The following GART variants were observed in gnomAD, a reference collection of about 807,000 sequenced individuals.
The protein encoded by GART is phosphoribosylglycinamide formyltransferase, phosphoribosylglycinamide synthetase, phosphoribosylaminoimidazole synthetase, also known as trifunctional purine biosynthetic protein adenosine-3.
A neutral mutation model predicts 107.2 loss-of-function variants in GART; 43 were observed. That is an observed-to-expected ratio of 0.40 (90% CI 0.31 to 0.52). GART has a LOEUF of 0.52. Among genes scored for constraint, GART ranks in the 20% least tolerant of loss-of-function variants. The probability of loss-of-function intolerance (pLI) is 0.52; values close to 1 mark genes in which losing one functional copy is unlikely to be tolerated. For missense variants in GART, 1,107 were observed against 1,206.5 expected (o/e 0.92, Z 1.22); for synonymous variants, 434 against 427.0 (o/e 1.02, Z -0.20).
At chr21:33,534,351 T>C (rs2085261024) in intron 4 of GART, among the ~76,000 whole-genome samples, 1 of 151,956 alleles carries the variant, frequency 6.6e-6, no homozygotes, top group African/African-American at 2.4e-5. Context: ...GAGCTGGGAC[T>C]ACAGGTGCAC....
At chr21:33,542,776 G>A, upstream of GART, 1 of 425,112 alleles carries the variant, frequency 2.4e-6, no homozygotes, top group Non-Finnish European at 4.3e-6. Flanking sequence ...ACACTGCTGG[G>A]GACTGACAAC....
At chr21:33,507,979 A>T (rs941286083) in intron 18 of GART, among the ~76,000 whole-genome samples, 2 of 152,332 alleles carry the variant, frequency 1.3e-5, no homozygotes, top group Non-Finnish European at 1.5e-5. Context: ...AAAAGATCTC[A>T]TGTACCCTAT....
chr21:33,510,413 T>A (rs1347185314), intron 17 of GART: 2 of 153,290 alleles, frequency 1.3e-5, no homozygotes, highest in African/African-American at 4.8e-5. Context: ...CACTGCAAGT[T>A]CCGCCTCCTA....
intron 4 of GART, among the ~76,000 whole-genome samples, 174 bp from the exon 5 acceptor site, chr21:33,532,630 C>T (rs936699887): frequency 2.0e-5 from 3 of 152,206 alleles, no homozygotes; most frequent in Non-Finnish European, 2.9e-5. Flanking sequence ...TTTTCCCCTA[C>T]GTATTCCTTT....
At chr21:33,536,674 G>A (rs1322436923) in intron 2 of GART, among the ~76,000 whole-genome samples, 1 of 152,134 alleles carries the variant, frequency 6.6e-6, no homozygotes, top group East Asian at 1.9e-4. Flanking sequence ...GCCAGCATCA[G>A]CTTTGGGGCC....
intron 2 of GART, among the ~76,000 whole-genome samples, chr21:33,538,241 CAAA>C (rs397866694): frequency 2.3e-5 from 2 of 88,404 alleles, no homozygotes; most frequent in Non-Finnish European, 2.2e-5. Context: ...GACTCTGTCT[CAAA>C]AAAAAAAAAA....
Position 33,533,665 on chromosome 21 carries a change from G to C in GART, c.416+914C>G, listed in dbSNP as rs1198160798. On this transcript the variant is annotated intron_variant, in intron 4 of 21. Coordinates refer to ENST00000381815, the MANE Select transcript of GART (RefSeq NM_000819.5). ...CATGCCTGTAATCCCAGCACTTTGG[G>C]AGGCAGAGAGAGGCGGATCTCTTGA... Among the ~76,000 whole-genome samples the C allele has an allele frequency of 3.3e-5, 5 of 152,134 alleles. No homozygotes were observed. The South Asian group carries it at 8.3e-4, about 25-fold the overall frequency.
In GART at chr21:33,542,051, G is replaced by A. The variant is rs1397644848; in HGVS notation, c.-42+14C>T. On this transcript the variant is annotated intron_variant, in intron 1 of 21. Transcript: ENST00000381815. The stretch of plus-strand genomic sequence containing the variant: ...TAAGCGCGCTCCGTGTAAAAGCGGA[G>A]GGGGTTTACGCACCGACACCGGGTG... 1 of 152,234 alleles carries A rather than the reference G, an allele frequency of 6.6e-6. No homozygotes were observed. The highest frequency in any genetic ancestry group is 6.5e-5 in the Admixed American group (1 of 15,294). The allele number at this position is 152,234 out of a possible 1,614,324, so 9.4% of individuals were successfully genotyped here.
At chr21:33,531,873 G>A (rs1225793208) in intron 5 of GART, 11 of 303,764 alleles carry the variant, frequency 3.6e-5, no homozygotes, top group East Asian at 2.5e-4. Context: ...CCTTACTTCC[G>A]ATTATAATTA....
chr21:33,520,232 G>T (rs1035027071), intron 14 of GART, 132 bp downstream of exon 14: 1 of 722,490 alleles, frequency 1.4e-6, no homozygotes, highest in Non-Finnish European at 2.3e-6. Flanking sequence ...TTTCATTTGT[G>T]CATATCACAT....
At chr21:33,539,106 A>G in intron 2 of GART, 65 bp downstream of exon 2, 1 of 1,468,656 alleles carries the variant, frequency 6.8e-7, no homozygotes, top group Non-Finnish European at 9.4e-7. Flanking sequence ...AAGTACAGAT[A>G]TGGTTGACAG....
At chr21:33,509,484 C>T in intron 18 of GART, 1 of 246,056 alleles carries the variant, frequency 4.1e-6, no homozygotes, top group Non-Finnish European at 7.7e-6. Context: ...AATAAAAATT[C>T]CTCAACTGTT....
At chr21:33,508,223 C>T (rs919433796) in intron 18 of GART, among the ~76,000 whole-genome samples, 1 of 151,946 alleles carries the variant, frequency 6.6e-6, no homozygotes, top group East Asian at 1.9e-4. Flanking sequence ...AACAGTATAA[C>T]ATTATGTTAA....
intron 16 of GART, among the ~76,000 whole-genome samples, chr21:33,512,867 G>A (rs1402938205): frequency 6.6e-6 from 1 of 151,976 alleles, no homozygotes; most frequent in African/African-American, 2.4e-5. Flanking sequence ...TTATAGGCAT[G>A]AGCCATCATG....
intron 18 of GART, among the ~76,000 whole-genome samples, chr21:33,508,869 A>C (rs934598310): frequency 1.3e-5 from 2 of 152,120 alleles, no homozygotes; most frequent in Admixed American, 6.5e-5. Flanking sequence ...CCCACTCATA[A>C]GTGAGAACAT....
chr21:33,540,099 T>C (rs1171235023), intron 1 of GART, among the ~76,000 whole-genome samples: 1 of 152,204 alleles, frequency 6.6e-6, no homozygotes, highest in African/African-American at 2.4e-5. Flanking sequence ...AAGCAAACTT[T>C]ACACAAAAAG....
At chr21:33,514,243 G>T (rs754890658) in intron 16 of GART, among the ~76,000 whole-genome samples, 90 of 152,092 alleles carry the variant, frequency 5.9e-4, no homozygotes, top group Non-Finnish European at 1.2e-3. Context: ...ACTCCAGTTG[G>T]GGCGACAGAG....
chr21:33,517,224 G>A, intron 15 of GART, 83 bp from the exon 16 acceptor site: 1 of 1,557,440 alleles, frequency 6.4e-7, no homozygotes, highest in Non-Finnish European at 8.7e-7. Flanking sequence ...AATGACACCA[G>A]CTCTACAATA....
At position 33,517,582 on chromosome 21, in the gene GART, T is replaced by C. The variant is rs748437484; in HGVS notation, c.1729A>G (p.Met577Val). 14 of 1,614,090 alleles carry C rather than the reference T, an allele frequency of 8.7e-6. No homozygotes were observed. The South Asian group carries it at 8.8e-5, about 10-fold the overall frequency. The change falls in exon 15 of 22, where the codon ATG becomes GTG. Residue 577 changes from methionine (M) to valine (V), a missense_variant. Transcript: ENST00000381815. ...AGGTCATACTCTCCAGGGGGATACATGTCAGGCATTTCTGCTGTTTCACCT... is the reference window on the plus strand; with the variant it reads ...AGGTCATACTCTCCAGGGGGATACACGTCAGGCATTTCTGCTGTTTCACCT... ...LGGETAEMPD[M>V]YPPGEYDLAG...
Sources: allele counts gnomAD v4.1 joint callset (sites outside exome capture counted in the v4.1 genomes callset), GRCh38; gene constraint gnomAD v4.1.1; transcripts MANE v1.5; gene names NCBI Gene and HGNC (gene_info 2026-07-23, HGNC 2026-07-21).